Variants in HACE1 observed in about 807,000 individuals in gnomAD.
HACE1 encodes HECT domain and ankyrin repeat containing E3 ubiquitin protein ligase 1, also known as E3 ubiquitin-protein ligase HACE1.
Under a neutral mutation model 118.4 loss-of-function variants are expected in HACE1, and 73 were observed. That is an observed-to-expected ratio of 0.62 (90% CI 0.51 to 0.75). The LOEUF is 0.75. HACE1 is among the 30% of genes least tolerant of loss of function. The pLI is 0.00. For synonymous variants in HACE1, 368 were observed against 374.8 expected, an observed-to-expected ratio of 0.98 and a Z score of 0.21; for missense variants, 749 against 1,102.2, an observed-to-expected ratio of 0.68 and a Z score of 4.54.
chr6:104,743,405 T>A (rs1777049657), intron 22 of HACE1, among the ~76,000 whole-genome samples: 1 of 151,988 alleles, frequency 6.6e-6, no homozygotes, highest in South Asian at 2.1e-4. Flanking sequence ...AGAAAATATA[T>A]TAAATTGTTT....
intron 20 of HACE1, 30 bp from the exon 21 acceptor site, chr6:104,744,640 A>C: frequency 7.8e-7 from 1 of 1,281,638 alleles, no homozygotes; most frequent in Non-Finnish European, 1.1e-6. Flanking sequence ...TATTTCAATA[A>C]TTTTCTTTAG....
At chr6:104,815,370 ATTT>A (rs113168563) in intron 6 of HACE1, among the ~76,000 whole-genome samples, 3 of 126,894 alleles carry the variant, frequency 2.4e-5, no homozygotes, top group African/African-American at 3.2e-5. Flanking sequence ...GGTGGAAGAA[ATTT>A]TTTTTTTTTT....
intron 6 of HACE1, among the ~76,000 whole-genome samples, chr6:104,817,769 G>T (rs1022627347): frequency 3.9e-5 from 6 of 152,122 alleles, no homozygotes; most frequent in Middle Eastern, 3.2e-3. Context: ...AAAAAAGAAC[G>T]TTATTACAGT....
intron 14 of HACE1, among the ~76,000 whole-genome samples, chr6:104,778,574 C>T (rs1343394011): frequency 2.0e-5 from 3 of 151,670 alleles, no homozygotes; most frequent in East Asian, 3.9e-4. Context: ...GCAGGAGGAT[C>T]GCTTGAGCCC....
intron 17 of HACE1, among the ~76,000 whole-genome samples, chr6:104,774,463 C>A (rs1395623748): frequency 6.6e-6 from 1 of 151,706 alleles, no homozygotes; most frequent in Non-Finnish European, 1.5e-5. Flanking sequence ...CAGCTCACTA[C>A]AACCTCCACC....
chr6:104,793,780 A>G (rs1783323430), intron 10 of HACE1, among the ~76,000 whole-genome samples: 1 of 152,234 alleles, frequency 6.6e-6, no homozygotes. Context: ...ATTTGAAATC[A>G]TCTTAAGAAT....
chr6:104,797,419 G>C lies in HACE1; in HGVS notation c.618-394C>G, dbSNP rs538812821. The stretch of plus-strand genomic sequence containing the variant: ...CTACCACACACATCCAAGTCTCTAG[G>C]CTTCTTAATCCAAAAGAACCTCAAG... On this transcript the variant is annotated intron_variant, in intron 7 of 23. Coordinates refer to ENST00000262903, the MANE Select transcript of HACE1 (RefSeq NM_020771.4). Among the ~76,000 whole-genome samples the C allele has an allele frequency of 3.3e-4, 49 of 150,288 alleles. 1 individual carries two copies. The highest frequency in any genetic ancestry group is 1.2e-3 in the African/African-American group (49 of 40,876).
At chr6:104,831,982 GGAAGGA>G (rs1774003969) in intron 6 of HACE1, among the ~76,000 whole-genome samples, 1 of 52,982 alleles carries the variant, frequency 1.9e-5, no homozygotes, top group Non-Finnish European at 3.7e-5. Flanking sequence ...AGAGAAGAGA[GGAAGGA>G]AGGAAGGAAG....
chr6:104,815,844 G>A (rs1336146350), intron 6 of HACE1, among the ~76,000 whole-genome samples: 2 of 90,676 alleles, frequency 2.2e-5, no homozygotes, highest in Non-Finnish European at 4.5e-5. Context: ...AGGCTGAGGC[G>A]GGCAGATCAC....
At chr6:104,766,717 T>TAGAC (rs1780052214) in intron 19 of HACE1, 1 of 152,248 alleles carries the variant, frequency 6.6e-6, no homozygotes, top group Non-Finnish European at 1.5e-5. Context: ...CACTGTCTTA[T>TAGAC]AGACATCCAT....
At chr6:104,804,038 G>A (rs1770708228) in intron 7 of HACE1, among the ~76,000 whole-genome samples, 1 of 151,956 alleles carries the variant, frequency 6.6e-6, no homozygotes, top group African/African-American at 2.4e-5. Flanking sequence ...AAATCAATGG[G>A]CAAAAATCAC....
At chr6:104,776,701 G>A (rs779305882) in intron 17 of HACE1, 40 bp downstream of exon 17, 1 of 1,147,322 alleles carries the variant, frequency 8.7e-7, no homozygotes, top group South Asian at 1.2e-5. Context: ...TGAAAAATGT[G>A]ACAAGTTGCA....
intron 19 of HACE1, 50 bp downstream of exon 19, chr6:104,771,143 A>G: frequency 7.4e-7 from 1 of 1,348,052 alleles, no homozygotes; most frequent in Non-Finnish European, 1.1e-6. Context: ...CTAGCAAACT[A>G]TCAGGGCCAA....
intron 22 of HACE1, among the ~76,000 whole-genome samples, chr6:104,738,696 T>A (rs923196630): frequency 4.0e-5 from 6 of 149,636 alleles, no homozygotes; most frequent in African/African-American, 1.5e-4. Context: ...GTCTGATTGG[T>A]GGACCTGAAA....
At chr6:104,732,322 G>A (rs1775298912) in intron 22 of HACE1, 1 of 152,148 alleles carries the variant, frequency 6.6e-6, no homozygotes, top group African/African-American at 2.4e-5. Flanking sequence ...TCCATCAACA[G>A]ATGGCTGGAT....
intron 22 of HACE1, among the ~76,000 whole-genome samples, chr6:104,735,239 T>C (rs1193905332): frequency 6.6e-6 from 1 of 152,004 alleles, no homozygotes; most frequent in Non-Finnish European, 1.5e-5. Flanking sequence ...TAAACAACAC[T>C]TAAAACTGAA....
chr6:104,789,008 C>T (rs190195185), intron 11 of HACE1, among the ~76,000 whole-genome samples: 1 of 152,176 alleles, frequency 6.6e-6, no homozygotes, highest in Admixed American at 6.5e-5. Context: ...AATTAGGGAT[C>T]AATTGCTACC....
rs75798763 is a variant in HACE1 at position 104,853,375 on chromosome 6, A to C, written c.77-1004T>G. ...CACAAAAACATGACCCAAAAGGTTAAAAATCAACATCTATGATGCCATATT... is the reference window on the plus strand; with the variant it reads ...CACAAAAACATGACCCAAAAGGTTACAAATCAACATCTATGATGCCATATT... On this transcript the variant is annotated intron_variant, in intron 1 of 23. Transcript: ENST00000262903. Among the ~76,000 whole-genome samples, 1,331 of 152,362 alleles carry C rather than the reference A, an allele frequency of 8.7e-3. 17 individuals are homozygous for C. The highest frequency in any genetic ancestry group is 0.03 in the African/African-American group (1,268 of 41,578).
At chr6:104,750,562 G>T (rs1238591857) in intron 19 of HACE1, 90 bp from the exon 20 acceptor site, 2 of 1,233,306 alleles carry the variant, frequency 1.6e-6, no homozygotes, top group African/African-American at 1.5e-5. Flanking sequence ...AGAGGTAAAG[G>T]TTTAAAATAA....
Sources: allele counts gnomAD v4.1 joint callset (sites outside exome capture counted in the v4.1 genomes callset), GRCh38; gene constraint gnomAD v4.1.1; transcripts MANE v1.5; gene names NCBI Gene and HGNC (gene_info 2026-07-23, HGNC 2026-07-21).